Variants in APOB observed in about 807,000 individuals in gnomAD.
APOB encodes apolipoprotein B-100.
Under a neutral mutation model 314.1 loss-of-function variants are expected in APOB, and 153 were observed. The ratio of observed to expected loss-of-function variants is 0.49; its 90% CI spans 0.43 to 0.56. The LOEUF is 0.56. Among genes scored for constraint, APOB ranks in the 20% least tolerant of loss-of-function variants. The pLI is 0.00. For synonymous variants in APOB, 2,087 were observed against 2,036.4 expected (o/e 1.02, Z -0.67); for missense variants, 5,430 against 5,350.7 (o/e 1.01, Z -0.46).
rs774625878 is a variant in APOB, at chr2:21,010,966, C to T, written c.5902G>A (p.Val1968Ile). 2 of 1,614,036 alleles carry T rather than the reference C, an allele frequency of 1.2e-6. No individual in the cohort carries two copies. Among genetic ancestry groups the T allele is most frequent in the Admixed American group, 1.7e-5 (1 of 59,994 alleles). The change falls in exon 26 of 29, where the codon GTC becomes ATC. Residue 1968 changes from valine (V) to isoleucine (I), a missense_variant. Around this residue, in one of 3 missense-constraint regions of APOB, gnomAD observed 3,281 missense variants for 3,171.0 expected, o/e 1.03. Coordinates refer to ENST00000233242, the MANE Select transcript of APOB (RefSeq NM_000384.3). ...KSISAALEHKVSALLTPAEQT... is the reference protein window; with the variant it reads ...KSISAALEHKISALLTPAEQT... ...TCAGCTGGAGTAAGCAGGGCACTGA[C>T]TTTGTGTTCAAGAGCTGCACTGATG... is the stretch of plus-strand genomic sequence containing the variant.
rs757883562 is a variant in APOB, at chr2:21,003,096, T to G, written c.12326A>C (p.Gln4109Pro). The G allele has an allele frequency of 6.3e-7, 1 of 1,596,528 alleles. No homozygotes were observed. The highest frequency in any genetic ancestry group is 2.2e-5 in the East Asian group (1 of 44,616). ...TTGATAAACCCACTCAGCATTGTTC[T>G]GCAGATTTCTTCTCAGCTTTGAAGA... ...EVSSKLRRNLQNNAEWVYQGA... is the reference protein window; with the variant it reads ...EVSSKLRRNLPNNAEWVYQGA... Residue 4109 changes from glutamine to proline, a missense_variant, in exon 29 of 29, where the codon CAG becomes CCG. Physicochemically the swap from Gln to Pro is moderately conservative, Grantham distance 76. Around this residue, in one of 3 missense-constraint regions of APOB, gnomAD observed 3,281 missense variants for 3,171.0 expected, o/e 1.03. Transcript: ENST00000233242.
chr2:21,027,878 G>T lies in APOB; in HGVS notation c.2017C>A (p.Leu673Met). 5 of 1,614,182 alleles carry T rather than the reference G, an allele frequency of 3.1e-6. No individual in the cohort carries two copies. Among genetic ancestry groups the T allele is most frequent in the Non-Finnish European group, 3.4e-6 (4 of 1,180,030 alleles). Reference sequence around the variant, plus strand: ...CCAAAGGCAGTGAGGGTAGTTTTCAGCATGCTTTCTTTAGGAAGGTAGTTA... The same window carrying T: ...CCAAAGGCAGTGAGGGTAGTTTTCATCATGCTTTCTTTAGGAAGGTAGTTA... ...PNNYLPKESM[L>M]KTTLTAFGFA... The change falls in exon 14 of 29, where the codon CTG (leucine) becomes ATG (methionine). Residue 673 changes from leucine (L) to methionine (M), a missense_variant. Around this residue, in one of 3 missense-constraint regions of APOB, gnomAD observed 2,085 missense variants for 2,079.7 expected, o/e 1.00. Transcript: ENST00000233242.
rs1320376908 is a variant in APOB, at chr2:21,009,960, G to A, written c.6908C>T (p.Thr2303Ile). Residue 2303 changes from threonine (T) to isoleucine (I), a missense_variant, in exon 26 of 29, where the codon ACT becomes ATT. Thr to Ile is a moderately conservative substitution (Grantham distance 89, BLOSUM62 -1). Around this residue, in one of 3 missense-constraint regions of APOB, gnomAD observed 3,281 missense variants for 3,171.0 expected, o/e 1.03. Transcript: ENST00000233242. Reference protein sequence around the residue: ...DVRVLLDQLGTTISFERINDI... With the variant: ...DVRVLLDQLGITISFERINDI... ...ATTTATTCTTTCAAATGAAATTGTA[G>A]TTCCCAATTGATCTAAAAGCACTCT... 6.2e-7 allele frequency: 1 copy of A among 1,613,652 alleles called. No individual in the cohort carries two copies. Among genetic ancestry groups the A allele is most frequent in the Admixed American group, 1.7e-5 (1 of 60,008 alleles).
At chr2:21,028,674 G>T in intron 12 of APOB, 136 bp from the exon 13 acceptor site, 1 of 676,024 alleles carries the variant, frequency 1.5e-6, no homozygotes, top group Non-Finnish European at 2.6e-6. Context: ...TCAAATGCTG[G>T]TATTGAATCT....
intron 3 of APOB, among the ~76,000 whole-genome samples, chr2:21,041,627 T>C (rs1311538477): frequency 6.6e-6 from 1 of 152,244 alleles, no homozygotes; most frequent in African/African-American, 2.4e-5. Context: ...ATGTGTGCTG[T>C]TCAATATGGG....
rs1386023249 is a variant in APOB at position 21,010,498 on chromosome 2, C to T, written c.6370G>A (p.Asp2124Asn). 5.0e-6 allele frequency: 8 copies of T among 1,610,110 alleles called. No homozygotes were observed. Among genetic ancestry groups the T allele is most frequent in the Non-Finnish European group, 6.8e-6 (8 of 1,177,120 alleles). ...ALGKLPQQAN[D>N]YLNSFNWERQ... ...TCCCAATTGAATGAATTCAGATAAT[C>T]ATTAGCTTGCTGTGGGAGTTTTCCC... Residue 2124 changes from aspartate (D) to asparagine (N), a missense_variant, in exon 26 of 29, where the codon GAT becomes AAT. Asp to Asn is a conservative substitution (Grantham distance 23, BLOSUM62 1). Transcript: ENST00000233242.
At chr2:21,005,014 ATTAT>A in intron 26 of APOB, 62 bp downstream of exon 26, 1 of 1,577,718 alleles carries the variant, frequency 6.3e-7, no homozygotes, top group Non-Finnish European at 8.7e-7. Context: ...TAAATACATA[ATTAT>A]TTACTCATAA....
intron 14 of APOB, 75 bp downstream of exon 14, chr2:21,027,753 T>A (rs1663768348): frequency 2.6e-6 from 3 of 1,162,956 alleles, no homozygotes; most frequent in Non-Finnish European, 3.9e-6. Flanking sequence ...TCTGGGTAGC[T>A]CCTGGCTCCC....
intron 15 of APOB, 44 bp from the exon 16 acceptor site, chr2:21,025,168 T>C (rs767109373): frequency 1.9e-6 from 3 of 1,586,288 alleles, no homozygotes; most frequent in Middle Eastern, 1.7e-4. Context: ...GTCAGCAATG[T>C]CAAACACCTT....
rs1248922015 is a variant in APOB, at chr2:21,009,035, G to A, written c.7833C>T (p.Thr2611=). 3 of 1,613,974 alleles carry A rather than the reference G, an allele frequency of 1.9e-6. No homozygotes were observed. The highest frequency in any genetic ancestry group is 2.5e-6 in the Non-Finnish European group (3 of 1,179,960). The stretch of plus-strand genomic sequence containing the variant: ...GGACTATAAAATCAGGTGTCTGGAA[G>A]GTAGCTTTCTGAAGAGCCTGAAGAC... The part of the protein sequence containing the change: ...EVSLQALQKA[T]FQTPDFIVPL... Residue 2611 remains threonine, a synonymous_variant, in exon 26 of 29, where the codon ACC becomes ACT. Transcript: ENST00000233242.
rs189183371 is a variant in APOB, at chr2:21,024,634, A to G, written c.2436+299T>C. ...CTCAAAAAATTAAAAAAATAAAAAT[A>G]AAAATAAAAGGACCTTCAGCAAAGG... On this transcript the variant is annotated intron_variant, in intron 16 of 28. Transcript: ENST00000233242. 1.0e-3 allele frequency: 552 copies of G among 527,826 alleles called. 4 individuals are homozygous for G. The highest frequency in any genetic ancestry group is 3.9e-3 in the South Asian group (126 of 32,410). 32.7% of individuals were successfully genotyped at this position (527,826 alleles called of 1,614,324 possible).
chr2:21,021,897 G>A (rs1347716310), intron 18 of APOB, among the ~76,000 whole-genome samples: 2 of 152,146 alleles, frequency 1.3e-5, no homozygotes, highest in African/African-American at 2.4e-5. Context: ...GCGTTCAAAG[G>A]TCAGGGACCT....
rs371855554 is a variant in APOB at position 21,016,941 on chromosome 2, A to G, written c.3122-292T>C. Among the ~76,000 whole-genome samples the G allele has an allele frequency of 2.1e-4, 32 of 151,672 alleles. 1 individual carries two copies. The highest frequency in any genetic ancestry group is 1.9e-3 in the South Asian group (9 of 4,804). On this transcript the variant is annotated intron_variant, in intron 20 of 28. Coordinates refer to ENST00000233242, the MANE Select transcript of APOB (RefSeq NM_000384.3). Reference sequence around the variant, plus strand: ...GGGGCTTGCAGTGAGCCGAGATGGCACCACTGCACTGCAGCCTGGGCAAAA... The same window carrying G: ...GGGGCTTGCAGTGAGCCGAGATGGCGCCACTGCACTGCAGCCTGGGCAAAA...
rs761842055 is a variant in APOB at position 21,004,542 on chromosome 2, T to C, written c.11903+19A>G. ...GTTTTCAAAAGGTATAAGGTTTCAA[T>C]TCAATAAAAGCTCCATACTGAAGTC... On this transcript the variant is annotated intron_variant, in intron 27 of 28. Transcript: ENST00000233242. 1 of 1,612,880 alleles carries C rather than the reference T, an allele frequency of 6.2e-7. No homozygotes were observed. Among genetic ancestry groups the C allele is most frequent in the Non-Finnish European group, 8.5e-7 (1 of 1,178,898 alleles).
Position 21,011,113 on chromosome 2 carries a change from G to A in APOB, c.5755C>T (p.Leu1919Phe), listed in dbSNP as rs775995065. 1.2e-6 allele frequency: 2 copies of A among 1,614,218 alleles called. No homozygotes were observed. The highest frequency in any genetic ancestry group is 1.6e-4 in the Middle Eastern group (1 of 6,062). Residue 1919 changes from leucine to phenylalanine, a missense_variant, in exon 26 of 29, where the codon CTC (leucine) becomes TTC (phenylalanine). Leu to Phe is a conservative substitution (Grantham distance 22). Coordinates refer to ENST00000233242, the MANE Select transcript of APOB (RefSeq NM_000384.3). ...AGCTGCCCAGTATGTTCTCCCCAGA[G>A]AGCGAGTTTCCCATTGCCATTTGTA... Reference protein sequence around the residue: ...AHTNGNGKLALWGEHTGQLYS... With the variant: ...AHTNGNGKLAFWGEHTGQLYS...
rs1352876354 is a variant in APOB, at chr2:21,003,008, A to C, written c.12414T>G (p.Thr4138=). The C allele has an allele frequency of 2.5e-6, 4 of 1,574,640 alleles. No homozygotes were observed. Among genetic ancestry groups the C allele is most frequent in the Non-Finnish European group, 3.4e-6 (4 of 1,160,158 alleles). The part of the protein sequence containing the change: ...VRFQKAASGT[T]GTYQEWKDKA... ...TGTCCTTCCACTCTTGGTAGGTCCC[A>C]GTGGTGCCACTGGCTGCTTTCTGGA... Residue 4138 remains threonine, a synonymous_variant, in exon 29 of 29, where the codon ACT becomes ACG. Transcript: ENST00000233242.
chr2:21,040,791 A>G (rs1349330688), intron 4 of APOB, 147 bp downstream of exon 4: 1 of 844,246 alleles, frequency 1.2e-6, no homozygotes, highest in Admixed American at 2.4e-5. Context: ...TCTCTTTTTG[A>G]TGATTGTGAA....
rs1374358487 is a variant in APOB, at chr2:21,006,974, G to A, written c.9894C>T (p.Ile3298=). Residue 3298 remains isoleucine (I), a synonymous_variant, in exon 26 of 29, where the codon ATC becomes ATT. Transcript: ENST00000233242. The part of the protein sequence containing the change: ...SDVRVPSYTL[I]LPSLELPVLH... ...GGACTGGCAGCTCTAATGATGGCAGGATTAATGTGTATGAAGGCACACGGA... is the reference window on the plus strand; with the variant it reads ...GGACTGGCAGCTCTAATGATGGCAGAATTAATGTGTATGAAGGCACACGGA... 2.2e-5 allele frequency: 35 copies of A among 1,613,890 alleles called. No homozygotes were observed. Among genetic ancestry groups the A allele is most frequent in the Non-Finnish European group, 3.0e-5 (35 of 1,179,948 alleles).
At chr2:21,020,231 C>T (rs1043475393) in intron 18 of APOB, among the ~76,000 whole-genome samples, 1 of 152,058 alleles carries the variant, frequency 6.6e-6, no homozygotes, top group Non-Finnish European at 1.5e-5. Flanking sequence ...TTCAGTGTGC[C>T]CCTTCCTTCC....
Sources: gnomAD v4.1 joint callset for allele counts (sites outside exome capture counted in the v4.1 genomes callset) on GRCh38, gnomAD v4.1.1 for gene constraint, gnomAD v4.1.1 regional missense constraint, MANE v1.5 for transcripts, NCBI Gene and HGNC (gene_info 2026-07-23, HGNC 2026-07-21) for gene names.